INSL6: variants seen among roughly 807,000 people sequenced by gnomAD.
INSL6 encodes insulin like 6, also known as insulin-like peptide INSL6.
Under a neutral mutation model 9.4 loss-of-function variants are expected in INSL6, and 16 were observed. The observed-to-expected ratio is 1.70, with a 90% confidence interval of 1.15 to 2.59. The LOEUF is 2.59. Ranked by LOEUF, INSL6 falls within the 30% of genes most tolerant of loss-of-function variation. The pLI is 0.00. For synonymous variants in INSL6, 154 were observed against 96.9 expected (o/e 1.59, Z -3.46); for missense variants, 391 against 257.3 (o/e 1.52, Z -3.56).
chr9:5,004,741 C>T, the INSL6 span, among the ~76,000 whole-genome samples: 1 of 152,036 alleles, frequency 6.6e-6, no homozygotes, highest in South Asian at 2.1e-4. Context: ...TACATTTTCC[C>T]ACCAAGAGTA....
chr9:5,029,309 CATCTT>C, the INSL6 span, among the ~76,000 whole-genome samples: 1 of 152,138 alleles, frequency 6.6e-6, no homozygotes, highest in African/African-American at 2.4e-5. Context: ...TTATGTTTGT[CATCTT>C]ATATGGGCAC....
intron 3 of INSL6, chr9:5,126,840 T>A (rs774421279): frequency 7.0e-5 from 80 of 1,144,736 alleles, no homozygotes; most frequent in Non-Finnish European, 5.6e-5. Flanking sequence ...AGAACAAAGT[T>A]TTATATTTCA....
At chr9:5,035,755 C>G in the INSL6 span, among the ~76,000 whole-genome samples, 3 of 152,166 alleles carry the variant, frequency 2.0e-5, no homozygotes, top group Non-Finnish European at 4.4e-5. Flanking sequence ...CTATCTATGA[C>G]ATACCGACAG....
the INSL6 span, among the ~76,000 whole-genome samples, chr9:5,093,650 C>T: frequency 3.3e-5 from 5 of 152,264 alleles, no homozygotes; most frequent in East Asian, 3.9e-4. Flanking sequence ...AACCTCCGAA[C>T]AACCTAAACT....
At chr9:5,033,839 G>C in the INSL6 span, among the ~76,000 whole-genome samples, 40 of 152,246 alleles carry the variant, frequency 2.6e-4, no homozygotes, top group Admixed American at 1.7e-3. Context: ...CAACTAATGA[G>C]CAAAATAACC....
intron 2 of INSL6, among the ~76,000 whole-genome samples, chr9:5,147,607 C>G (rs955816187): frequency 6.6e-6 from 1 of 152,190 alleles, no homozygotes; most frequent in Non-Finnish European, 1.5e-5. Flanking sequence ...GTCAATCTCT[C>G]TAATGAGACT....
At chr9:5,044,741 C>G in the INSL6 span, among the ~76,000 whole-genome samples, 1 of 152,066 alleles carries the variant, frequency 6.6e-6, no homozygotes, top group Admixed American at 6.6e-5. Flanking sequence ...TGGACTGATC[C>G]TTTTGAATTT....
chr9:5,091,011 G>GTGAA, the INSL6 span: 1 of 900,186 alleles, frequency 1.1e-6, no homozygotes, highest in East Asian at 2.6e-5. Context: ...TACAGTAACA[G>GTGAA]TGAACATTTA....
intron 3 of INSL6, among the ~76,000 whole-genome samples, chr9:5,132,323 G>C (rs1439835640): frequency 2.0e-5 from 3 of 152,098 alleles, no homozygotes; most frequent in Non-Finnish European, 4.4e-5. Flanking sequence ...AAGAATTTCA[G>C]TTTCTATCAT....
intron 2 of INSL6, among the ~76,000 whole-genome samples, chr9:5,157,742 G>C (rs1200006089): frequency 2.0e-5 from 3 of 152,246 alleles, no homozygotes; most frequent in Admixed American, 6.5e-5. Context: ...AATAAACCCA[G>C]ACTGGGAAGA....
At chr9:5,048,625 G>C in the INSL6 span, among the ~76,000 whole-genome samples, 10 of 152,114 alleles carry the variant, frequency 6.6e-5, no homozygotes, top group South Asian at 1.7e-3. Context: ...CAACGTTTAG[G>C]CCTTTGTTTT....
intron 2 of INSL6, among the ~76,000 whole-genome samples, chr9:5,154,856 A>G (rs1312744866): frequency 1.3e-5 from 2 of 152,174 alleles, no homozygotes; most frequent in African/African-American, 4.8e-5. Context: ...GAGAAACAGG[A>G]ACACTTTTAC....
At chr9:5,027,721 T>C in the INSL6 span, among the ~76,000 whole-genome samples, 1 of 152,220 alleles carries the variant, frequency 6.6e-6, no homozygotes, top group Non-Finnish European at 1.5e-5. Flanking sequence ...AATCCTTTGT[T>C]GTCATTTCAA....
chr9:5,046,123 A>G, the INSL6 span, among the ~76,000 whole-genome samples: 1 of 152,174 alleles, frequency 6.6e-6, no homozygotes. Flanking sequence ...CTTCTCTAAC[A>G]ACCAGTGATC....
intron 2 of INSL6, among the ~76,000 whole-genome samples, chr9:5,143,236 T>TA (rs1824537817): frequency 1.7e-5 from 2 of 117,024 alleles, no homozygotes; most frequent in African/African-American, 1.5e-4. Flanking sequence ...TTCTCCTCAA[T>TA]TTTTTTTTTT....
At chr9:5,075,738 A>G in the INSL6 span, among the ~76,000 whole-genome samples, 1 of 152,232 alleles carries the variant, frequency 6.6e-6, no homozygotes, top group East Asian at 1.9e-4. Context: ...TCCATTCTGT[A>G]GCCCATGGAT....
downstream of INSL6, among the ~76,000 whole-genome samples, chr9:5,162,018 G>A (rs12337827): frequency 2.0e-3 from 300 of 151,996 alleles, 1 homozygote; most frequent in African/African-American, 6.9e-3. Flanking sequence ...GGTTGAGGGT[G>A]TAGTGAGCTG....
chr9:5,111,248 AGACG>A, the INSL6 span: 1 of 537,012 alleles, frequency 1.9e-6, no homozygotes, highest in Non-Finnish European at 3.5e-6. Flanking sequence ...CCTTTGGTAG[AGACG>A]CAGGCGTGCG....
At chr9:5,005,259 C>T in the INSL6 span, among the ~76,000 whole-genome samples, 1 of 151,424 alleles carries the variant, frequency 6.6e-6, no homozygotes, top group Admixed American at 6.6e-5. Context: ...CTGTATTGTC[C>T]TTTGAGGAAT....
Sources: allele counts gnomAD v4.1 joint callset (sites outside exome capture counted in the v4.1 genomes callset), GRCh38; gene constraint gnomAD v4.1.1; transcripts MANE v1.5; gene names NCBI Gene and HGNC (gene_info 2026-07-23, HGNC 2026-07-21).